The following CYP7B1 variants were observed in gnomAD, a reference collection of about 807,000 sequenced individuals.
The protein encoded by CYP7B1 is cytochrome P450 7B1.
Under a neutral mutation model 42.7 loss-of-function variants are expected in CYP7B1, and 29 were observed. That is an observed-to-expected ratio of 0.68 (90% confidence interval 0.51 to 0.93). The LOEUF (loss-of-function observed/expected upper bound fraction) is 0.93. CYP7B1 is among the 40% of genes least tolerant of loss of function. CYP7B1 has a pLI of 0.00. For missense variants in CYP7B1, 655 were observed against 600.5 expected (o/e 1.09, Z -0.95); for synonymous variants, 235 against 218.2 (o/e 1.08, Z -0.68).
intron 1 of CYP7B1, among the ~76,000 whole-genome samples, chr8:64,781,452 G>A (rs184640532): frequency 6.6e-6 from 1 of 152,210 alleles, no homozygotes; most frequent in African/African-American, 2.4e-5. Context: ...GGCAGGTATG[G>A]CTGAATTCCT....
intron 1 of CYP7B1, among the ~76,000 whole-genome samples, chr8:64,665,065 T>A (rs2129631512): frequency 6.6e-6 from 1 of 152,348 alleles, no homozygotes; most frequent in Non-Finnish European, 1.5e-5. Flanking sequence ...AAAACGATGC[T>A]AGTCCATTAC....
intron 1 of CYP7B1, among the ~76,000 whole-genome samples, chr8:64,759,217 T>C (rs531932420): frequency 1.1e-4 from 17 of 152,302 alleles, no homozygotes; most frequent in Admixed American, 1.1e-3. Flanking sequence ...TACATCAGGG[T>C]AGAAACATTA....
chr8:64,788,244 G>A (rs1444281768), intron 1 of CYP7B1, among the ~76,000 whole-genome samples: 1 of 152,228 alleles, frequency 6.6e-6, no homozygotes, highest in East Asian at 1.9e-4. Flanking sequence ...AACACAAGGT[G>A]TTAATAGTAA....
intron 1 of CYP7B1, among the ~76,000 whole-genome samples, chr8:64,735,748 G>C (rs1807477849): frequency 6.6e-6 from 1 of 152,108 alleles, no homozygotes; most frequent in African/African-American, 2.4e-5. Flanking sequence ...AATGAGAATG[G>C]GATCTGTGGG....
chr8:64,684,445 G>GTATATGATACCTAGTATATGTAACAATA (rs1806588636), intron 1 of CYP7B1, among the ~76,000 whole-genome samples: 1 of 152,192 alleles, frequency 6.6e-6, no homozygotes, highest in African/African-American at 2.4e-5. Flanking sequence ...TACCTAGAAT[G>GTATATGATACCTAGTATATGTAACAATA]CCTAGTATAT....
chr8:64,725,703 G>A (rs753778577), intron 1 of CYP7B1, among the ~76,000 whole-genome samples: 3 of 152,162 alleles, frequency 2.0e-5, no homozygotes, highest in Non-Finnish European at 4.4e-5. Flanking sequence ...AGGAGGAGCA[G>A]GGAGGGAAGA....
intron 1 of CYP7B1, among the ~76,000 whole-genome samples, chr8:64,741,259 G>C (rs1807562821): frequency 6.6e-6 from 1 of 152,046 alleles, no homozygotes; most frequent in Non-Finnish European, 1.5e-5. Flanking sequence ...TACAGTGAAG[G>C]AGGAAGAAAT....
intron 1 of CYP7B1, among the ~76,000 whole-genome samples, chr8:64,724,479 A>G (rs187337621): frequency 2.6e-5 from 4 of 152,278 alleles, no homozygotes; most frequent in Admixed American, 6.5e-5. Context: ...AAAGTCCTCA[A>G]TGACAACAGC....
intron 1 of CYP7B1, among the ~76,000 whole-genome samples, chr8:64,794,904 T>C (rs1020870230): frequency 6.6e-6 from 1 of 151,234 alleles, no homozygotes; most frequent in Non-Finnish European, 1.5e-5. Context: ...AAAAACAAAA[T>C]CCAAAATCCA....
intron 1 of CYP7B1, among the ~76,000 whole-genome samples, chr8:64,764,229 G>GCGGGGGGGCCCCCCCCCCCCCCCCCCCCC (rs1554539986): frequency 8.0e-6 from 1 of 125,150 alleles, no homozygotes; most frequent in African/African-American, 3.1e-5. Context: ...CTTCCACGCT[G>GCGGGGGGGCCCCCCCCCCCCCCCCCCCCC]CCCCCCCCAC....
At chr8:64,672,320 G>A (rs939422204) in intron 1 of CYP7B1, among the ~76,000 whole-genome samples, 14 of 152,082 alleles carry the variant, frequency 9.2e-5, no homozygotes, top group Non-Finnish European at 2.1e-4. Context: ...AGGTGTTTAA[G>A]GTATGCAATT....
chr8:64,727,291 TATA>T (rs1004674558), intron 1 of CYP7B1, among the ~76,000 whole-genome samples: 1 of 152,222 alleles, frequency 6.6e-6, no homozygotes, highest in African/African-American at 2.4e-5. Context: ...TAGCAAAAAG[TATA>T]ATAATTCACC....
At chr8:64,670,374 A>G (rs765638526) in intron 1 of CYP7B1, among the ~76,000 whole-genome samples, 3 of 152,220 alleles carry the variant, frequency 2.0e-5, no homozygotes, top group Non-Finnish European at 4.4e-5. Flanking sequence ...TAATTTTTAT[A>G]AAATTTTTAT....
At chr8:64,691,356 C>T (rs1259615871) in intron 1 of CYP7B1, among the ~76,000 whole-genome samples, 1 of 152,056 alleles carries the variant, frequency 6.6e-6, no homozygotes, top group Admixed American at 6.5e-5. Context: ...ACCTTCTCCT[C>T]TCTTAACTCT....
At chr8:64,682,963 C>T (rs1454019979) in intron 1 of CYP7B1, among the ~76,000 whole-genome samples, 5 of 152,154 alleles carry the variant, frequency 3.3e-5, no homozygotes, top group Admixed American at 3.3e-4. Flanking sequence ...GTAGCTCAGG[C>T]CAAAAACCTT....
intron 1 of CYP7B1, among the ~76,000 whole-genome samples, chr8:64,639,991 C>T (rs1305588526): frequency 6.6e-6 from 1 of 152,048 alleles, no homozygotes; most frequent in Non-Finnish European, 1.5e-5. Context: ...AAGAACAAAT[C>T]ACTGATCCAT....
In CYP7B1 at chr8:64,798,600, AG is replaced by A; in HGVS notation, c.-14del. 1 of 1,456,426 alleles carries A rather than the reference AG, an allele frequency of 6.9e-7. No individual in the cohort carries two copies. Among genetic ancestry groups the A allele is most frequent in the Non-Finnish European group, 9.0e-7 (1 of 1,114,060 alleles). 90.2% of individuals were successfully genotyped at this position (1,456,426 alleles called of 1,614,324 possible). On this transcript the variant is annotated 5_prime_UTR_variant, in exon 1 of 6. Coordinates refer to ENST00000310193, the MANE Select transcript of CYP7B1 (RefSeq NM_004820.5). ...CTTCTCCTGCCATCCGGCGCGCGCTAGGCCGCGGTGGGCAGCCCGGGGTCTG... is the reference window on the plus strand; with the variant it reads ...CTTCTCCTGCCATCCGGCGCGCGCTAGCCGCGGTGGGCAGCCCGGGGTCTG...
intron 1 of CYP7B1, among the ~76,000 whole-genome samples, chr8:64,785,472 C>A (rs1024111827): frequency 2.6e-5 from 4 of 152,278 alleles, no homozygotes; most frequent in Admixed American, 1.3e-4. Flanking sequence ...TCTTTCATGT[C>A]TGTCAGTGAA....
intron 1 of CYP7B1, among the ~76,000 whole-genome samples, chr8:64,646,184 A>C (rs375618668): frequency 7.9e-5 from 12 of 151,950 alleles, no homozygotes; most frequent in African/African-American, 2.7e-4. Context: ...GCAACAAAAG[A>C]CAAAATTGAC....
Sources: gnomAD v4.1 joint callset for allele counts (sites outside exome capture counted in the v4.1 genomes callset) on GRCh38, gnomAD v4.1.1 for gene constraint, MANE v1.5 for transcripts, NCBI Gene and HGNC (gene_info 2026-07-23, HGNC 2026-07-21) for gene names.